Variants in IFT74 observed in about 807,000 individuals in gnomAD.
IFT74 encodes intraflagellar transport protein 74 homolog.
Under a neutral mutation model 96.7 loss-of-function variants are expected in IFT74, and 92 were observed. The ratio of observed to expected loss-of-function variants is 0.95; its 90% CI spans 0.80 to 1.13. The LOEUF is 1.13. IFT74 is among the 50% of genes most tolerant of loss of function. The pLI is 0.00. For missense variants in IFT74, 811 were observed against 698.2 expected, an observed-to-expected ratio of 1.16 and a Z score of -1.82; for synonymous variants, 223 against 213.2, an observed-to-expected ratio of 1.05 and a Z score of -0.40.
chr9:26,963,909 A>C (rs1406619020), intron 2 of IFT74, among the ~76,000 whole-genome samples: 6 of 152,160 alleles, frequency 3.9e-5, no homozygotes, highest in African/African-American at 9.6e-5. Context: ...CCCATTTTGT[A>C]GGTTGCGTGT....
intron 3 of IFT74, among the ~76,000 whole-genome samples, chr9:26,980,289 C>T (rs551237323): frequency 6.6e-6 from 1 of 152,288 alleles, no homozygotes; most frequent in African/African-American, 2.4e-5. Context: ...TTCCAGATTC[C>T]CTTAGACTCA....
At chr9:26,995,718 G>A in intron 8 of IFT74, 1 of 1,613,856 alleles carries the variant, frequency 6.2e-7, no homozygotes, top group South Asian at 1.1e-5. Context: ...TCCAGGCGAT[G>A]ATGATTATAA....
intron 8 of IFT74, among the ~76,000 whole-genome samples, chr9:27,000,284 A>C (rs563641152): frequency 6.6e-6 from 1 of 152,308 alleles, no homozygotes; most frequent in South Asian, 2.1e-4. Flanking sequence ...AAAGCAATTT[A>C]AGTGGTTGTA....
At chr9:26,995,579 T>G in intron 8 of IFT74, 1 of 1,600,130 alleles carries the variant, frequency 6.2e-7, no homozygotes, top group South Asian at 1.1e-5. Flanking sequence ...AAATCCATCA[T>G]CATCTACCAC....
rs1446698221 is a variant in IFT74, at chr9:27,064,234, C to T, written c.*1498C>T. On this transcript the variant is annotated 3_prime_UTR_variant, in exon 20 of 20. Transcript: ENST00000380062. ...CTAAAATAATTTCATCTACTCAAGTCCTCTGGGTGGCTCTATGGCCTTTTT... is the reference window on the plus strand; with the variant it reads ...CTAAAATAATTTCATCTACTCAAGTTCTCTGGGTGGCTCTATGGCCTTTTT... 1.3e-5 allele frequency among the ~76,000 whole-genome samples: 2 copies of T among 152,042 alleles called. No individual in the cohort carries two copies. The highest frequency in any genetic ancestry group is 4.8e-5 in the African/African-American group (2 of 41,428).
intron 1 of IFT74, among the ~76,000 whole-genome samples, chr9:26,948,924 A>G (rs1192294210): frequency 6.6e-6 from 1 of 151,880 alleles, no homozygotes; most frequent in Non-Finnish European, 1.5e-5. Flanking sequence ...CCATGTCTCT[A>G]TGCTCTTTGT....
intron 1 of IFT74, among the ~76,000 whole-genome samples, chr9:26,948,445 A>ATTTTTTT (rs1554662864): frequency 6.3e-5 from 3 of 47,310 alleles, no homozygotes; most frequent in Non-Finnish European, 1.5e-4. Context: ...ATGGCTTTCC[A>ATTTTTTT]TTATTTTTTT....
rs924889735 is a variant in IFT74, at chr9:27,063,474, C to T, written c.*738C>T. On this transcript the variant is annotated 3_prime_UTR_variant, in exon 20 of 20. Coordinates refer to ENST00000380062, the MANE Select transcript of IFT74 (RefSeq NM_025103.4). The stretch of plus-strand genomic sequence containing the variant: ...GAACTTAAGTAGATTAATTTATAAA[C>T]ATTAGCCAGAATATTTGGGGAAAAA... Among the ~76,000 whole-genome samples the T allele has an allele frequency of 7.9e-5, 12 of 152,016 alleles. No individual in the cohort carries two copies. The highest frequency in any genetic ancestry group is 2.9e-4 in the African/African-American group (12 of 41,412).
chr9:27,011,743 C>A (rs1276143191), intron 9 of IFT74, among the ~76,000 whole-genome samples, 163 bp from the exon 10 acceptor site: 1 of 149,756 alleles, frequency 6.7e-6, no homozygotes, highest in East Asian at 2.0e-4. Context: ...AAATTCTAGT[C>A]AAAATGTAAG....
chr9:27,004,024 G>T (rs1563965710), intron 8 of IFT74, among the ~76,000 whole-genome samples: 1 of 151,882 alleles, frequency 6.6e-6, no homozygotes, highest in African/African-American at 2.4e-5. Context: ...GGGAAGTGCT[G>T]TTTTTTTTCC....
intron 1 of IFT74, among the ~76,000 whole-genome samples, chr9:26,948,155 G>T (rs1211865566): frequency 6.6e-6 from 1 of 152,142 alleles, no homozygotes; most frequent in African/African-American, 2.4e-5. Context: ...TTCTTGAAAT[G>T]CTGACTTTTG....
chr9:27,005,750 A>G (rs1471425968), intron 8 of IFT74: 1 of 152,128 alleles, frequency 6.6e-6, no homozygotes, highest in Non-Finnish European at 1.5e-5. Flanking sequence ...TTCCTTAGCA[A>G]AAGATTGACT....
chr9:27,024,522 T>A (rs746470963), intron 12 of IFT74, among the ~76,000 whole-genome samples: 3 of 152,146 alleles, frequency 2.0e-5, no homozygotes, highest in Non-Finnish European at 4.4e-5. Context: ...ACAGCAGTCC[T>A]TGAGTCTCAG....
chr9:27,005,230 T>G (rs1018353083), intron 8 of IFT74, among the ~76,000 whole-genome samples: 15 of 152,116 alleles, frequency 9.9e-5, no homozygotes, highest in African/African-American at 3.6e-4. Flanking sequence ...CATCAACTCA[T>G]GGCCAGTCTT....
chr9:26,994,524 G>A (rs1189857709), intron 8 of IFT74: 5 of 141,338 alleles, frequency 3.5e-5, no homozygotes, highest in African/African-American at 8.0e-5. Context: ...GAGACAGTGC[G>A]AGACTTTGTC....
At position 27,011,918 on chromosome 9, in the gene IFT74, C is replaced by CTTTTGGA; in HGVS notation, c.741_742insTTGGATT (p.Gln248LeufsTer34). Reference sequence around the variant, plus strand: ...TTTTTCCACTTAGGAATTAGATACACTTCAACAACAATTGGATTCACAGAA... The same window carrying CTTTTGGA: ...TTTTTCCACTTAGGAATTAGATACACTTTTGGATTCAACAACAATTGGATTCACAGAA... On this transcript the variant is annotated frameshift_variant, in exon 10 of 20. Coordinates refer to ENST00000380062, the MANE Select transcript of IFT74 (RefSeq NM_025103.4). LOFTEE classifies it high-confidence loss of function. 1 of 1,572,996 alleles carries CTTTTGGA rather than the reference C, an allele frequency of 6.4e-7. No homozygotes were observed. Among genetic ancestry groups the CTTTTGGA allele is most frequent in the Non-Finnish European group, 8.6e-7 (1 of 1,160,448 alleles).
In IFT74 at chr9:27,064,792, CCCTTTTAAATAA is replaced by C. The variant is rs141043531; in HGVS notation, c.*2059_*2070del. Among the ~76,000 whole-genome samples, 15,188 of 151,806 alleles carry C rather than the reference CCCTTTTAAATAA, an allele frequency of 0.1. 999 individuals carry two copies. The highest frequency in any genetic ancestry group is 0.26 in the South Asian group (1,226 of 4,800). On this transcript the variant is annotated 3_prime_UTR_variant, in exon 20 of 20. Coordinates refer to ENST00000380062, the MANE Select transcript of IFT74 (RefSeq NM_025103.4). ...TAAGTGTTCTTGACATTTTACTGCA[CCCTTTTAAATAA>C]CCAACTTAGTAATTTTTACTATTAG...
chr9:27,056,591 T>C (rs1368372318), intron 18 of IFT74, 132 bp downstream of exon 18: 16 of 688,240 alleles, frequency 2.3e-5, no homozygotes, highest in Non-Finnish European at 3.8e-5. Context: ...CCAGATTCTG[T>C]ACAGTCTTCA....
At chr9:27,023,193 G>A (rs1442949234) in intron 12 of IFT74, among the ~76,000 whole-genome samples, 3 of 152,104 alleles carry the variant, frequency 2.0e-5, no homozygotes, top group Admixed American at 1.3e-4. Flanking sequence ...TTCTAGTGCT[G>A]TGTTGAATAG....
Sources: gnomAD v4.1 joint callset for allele counts (sites outside exome capture counted in the v4.1 genomes callset) on GRCh38, gnomAD v4.1.1 for gene constraint, MANE v1.5 for transcripts, NCBI Gene and HGNC (gene_info 2026-07-23, HGNC 2026-07-21) for gene names.